NELL1: variants seen among roughly 807,000 people sequenced by gnomAD.
NELL1 encodes neural EGFL like 1.
Under a neutral mutation model 107.4 loss-of-function variants are expected in NELL1, and 76 were observed. The ratio of observed to expected loss-of-function variants is 0.71; its 90% CI spans 0.59 to 0.86. NELL1 has a LOEUF of 0.86. Ranked by LOEUF, NELL1 falls within the 40% of genes least tolerant of loss-of-function variation. NELL1 has a pLI of 0.00. For synonymous variants in NELL1, 353 were observed against 341.2 expected (o/e 1.03, Z -0.38); for missense variants, 1,024 against 1,005.5 (o/e 1.02, Z -0.25).
intron 15 of NELL1, among the ~76,000 whole-genome samples, chr11:21,471,152 A>T (rs1854169857): frequency 6.6e-6 from 1 of 152,052 alleles, no homozygotes; most frequent in Non-Finnish European, 1.5e-5. Context: ...TTGTGGTCAT[A>T]AAACGACAAG....
At chr11:20,938,952 G>T (rs1287884158) in intron 10 of NELL1, among the ~76,000 whole-genome samples, 1 of 149,352 alleles carries the variant, frequency 6.7e-6, no homozygotes, top group Admixed American at 6.6e-5. Context: ...GTGTGTGTGT[G>T]TGTGTGTGTG....
chr11:21,088,009 T>A (rs1854434263), intron 12 of NELL1, among the ~76,000 whole-genome samples: 2 of 152,010 alleles, frequency 1.3e-5, no homozygotes, highest in African/African-American at 4.8e-5. Context: ...AAGCAAATTG[T>A]CTATCAGTCT....
chr11:21,478,824 C>T (rs1441948239), intron 15 of NELL1, among the ~76,000 whole-genome samples: 2 of 123,414 alleles, frequency 1.6e-5, no homozygotes, highest in Admixed American at 1.8e-4. Flanking sequence ...TATATAGGAG[C>T]TCAAACAACC....
intron 2 of NELL1, among the ~76,000 whole-genome samples, chr11:20,703,922 A>T (rs1012347566): frequency 6.6e-6 from 1 of 152,180 alleles, no homozygotes; most frequent in African/African-American, 2.4e-5. Context: ...CTTTACTTCC[A>T]ACTATGTGGT....
chr11:21,342,215 T>C (rs965386077), intron 14 of NELL1, among the ~76,000 whole-genome samples: 3 of 152,198 alleles, frequency 2.0e-5, no homozygotes, highest in African/African-American at 7.2e-5. Context: ...TAAGGAAAGA[T>C]GCCAAAACTT....
rs188572128 is a variant in NELL1 at position 20,741,848 on chromosome 11, T to C, written c.185-41832T>C. Among the ~76,000 whole-genome samples, 6 of 152,332 alleles carry C rather than the reference T, an allele frequency of 3.9e-5. 1 individual carries two copies. The East Asian group carries it at 1.2e-3, about 29-fold the overall frequency. On this transcript the variant is annotated intron_variant, in intron 2 of 19. Transcript: ENST00000357134. ...AATTCTGTGCTCAGTTAGCCACCCCTTCCTGCAAAGTCCTAAGGGAAATAT... is the reference window on the plus strand; with the variant it reads ...AATTCTGTGCTCAGTTAGCCACCCCCTCCTGCAAAGTCCTAAGGGAAATAT...
chr11:20,923,303 A>T (rs1264138110), intron 7 of NELL1, among the ~76,000 whole-genome samples: 3 of 152,184 alleles, frequency 2.0e-5, no homozygotes, highest in African/African-American at 7.2e-5. Context: ...CATGCTGGCA[A>T]GTGACTGTGC....
chr11:21,068,329 T>C (rs1853930706), intron 12 of NELL1, among the ~76,000 whole-genome samples: 1 of 152,166 alleles, frequency 6.6e-6, no homozygotes, highest in African/African-American at 2.4e-5. Flanking sequence ...CTCTCCATTT[T>C]AGAAATAAAC....
chr11:21,214,184 T>C (rs1357675763), intron 13 of NELL1, among the ~76,000 whole-genome samples: 2 of 152,194 alleles, frequency 1.3e-5, no homozygotes, highest in African/African-American at 4.8e-5. Context: ...TCCTTATCTG[T>C]TGAACATCCT....
Position 20,927,351 on chromosome 11 carries a change from A to G in NELL1, c.803A>G (p.His268Arg). 6.2e-7 allele frequency: 1 copy of G among 1,613,212 alleles called. No homozygotes were observed. Residue 268 changes from histidine to arginine, a missense_variant, in exon 8 of 20, where the codon CAT becomes CGT. His to Arg is a conservative substitution (Grantham distance 29). Transcript: ENST00000357134. The stretch of plus-strand genomic sequence containing the variant: ...AGACTTAGTCAATTGGAAAACTGTC[A>G]TTGTGAGAAGACTTGTCAAGTGAGT... ...ETRLSQLENC[H>R]CEKTCQVSGL...
At chr11:20,796,238 A>G (rs1857167105) in intron 3 of NELL1, among the ~76,000 whole-genome samples, 1 of 152,216 alleles carries the variant, frequency 6.6e-6, no homozygotes, top group Admixed American at 6.5e-5. Flanking sequence ...GAATTGCCCA[A>G]ATGGAATGCA....
At chr11:21,077,916 G>C (rs1358704437) in intron 12 of NELL1, among the ~76,000 whole-genome samples, 1 of 152,006 alleles carries the variant, frequency 6.6e-6, no homozygotes, top group Admixed American at 6.6e-5. Context: ...TACAACCACA[G>C]CAGTGTTTCT....
chr11:20,693,382 C>T (rs957138902), intron 2 of NELL1, among the ~76,000 whole-genome samples: 13 of 152,018 alleles, frequency 8.6e-5, no homozygotes, highest in East Asian at 3.9e-4. Flanking sequence ...TTCCTAGTCT[C>T]GATGGTCTTT....
At chr11:21,383,772 A>C (rs1851669887) in intron 15 of NELL1, 1 of 151,322 alleles carries the variant, frequency 6.6e-6, no homozygotes, top group Admixed American at 6.6e-5. Flanking sequence ...AATCCAGAAT[A>C]GTCCTGATTT....
At position 21,453,559 on chromosome 11, in the gene NELL1, G is replaced by GT. The variant is rs77958405; in HGVS notation, c.1646-80806dup. ...CTTAAATGGCATGTAATTAGGTCTT[G>GT]TTTTTTTTTCTTTTATTCCATCTCA... On this transcript the variant is annotated intron_variant, in intron 15 of 19. Coordinates refer to ENST00000357134, the MANE Select transcript of NELL1 (RefSeq NM_006157.5). Among the ~76,000 whole-genome samples, 749 of 150,150 alleles carry GT rather than the reference G, an allele frequency of 5.0e-3. 43 individuals carry two copies. The East Asian group carries it at 0.13, about 26-fold the overall frequency.
rs1329536531 is a variant in NELL1, at chr11:20,783,847, T to C, written c.335+17T>C. The C allele has an allele frequency of 6.3e-7, 1 of 1,598,034 alleles. No individual in the cohort carries two copies. Among genetic ancestry groups the C allele is most frequent in the Non-Finnish European group, 8.5e-7 (1 of 1,172,260 alleles). On this transcript the variant is annotated intron_variant, in intron 3 of 19. Coordinates refer to ENST00000357134, the MANE Select transcript of NELL1 (RefSeq NM_006157.5). ...GGAGCACAGGTAAGAAAGCTCTTTC[T>C]GCTTTTGAAAATCTCCTTAGAGTTA...
chr11:20,969,651 GAGTGATGTAGTAAAGA>G (rs1851455016), intron 12 of NELL1, among the ~76,000 whole-genome samples: 1 of 147,704 alleles, frequency 6.8e-6, no homozygotes, highest in Non-Finnish European at 1.5e-5. Flanking sequence ...ACTCTCAGGG[GAGTGATGTAGTAAAGA>G]ACAAAGCAAA....
chr11:21,286,388 T>A (rs5015917), intron 14 of NELL1, among the ~76,000 whole-genome samples: 1 of 152,204 alleles, frequency 6.6e-6, no homozygotes, highest in African/African-American at 2.4e-5. Context: ...CTAGCCCAAA[T>A]GGTGCCCACC....
At chr11:20,970,153 A>G (rs1175377248) in intron 12 of NELL1, among the ~76,000 whole-genome samples, 1 of 151,916 alleles carries the variant, frequency 6.6e-6, no homozygotes, top group Non-Finnish European at 1.5e-5. Flanking sequence ...TAGTTTGTGT[A>G]GAGTCATTGT....
Sources: gnomAD v4.1 joint callset for allele counts (sites outside exome capture counted in the v4.1 genomes callset) on GRCh38, gnomAD v4.1.1 for gene constraint, MANE v1.5 for transcripts, NCBI Gene and HGNC (gene_info 2026-07-23, HGNC 2026-07-21) for gene names.